The following LOXHD1 variants were observed in gnomAD, a reference collection of about 807,000 sequenced individuals.
The protein encoded by LOXHD1 is lipoxygenase homology PLAT domains 1.
In LOXHD1, 205 loss-of-function variants were observed where a neutral mutation model predicts 248.2. The ratio of observed to expected loss-of-function variants is 0.83; its 90% CI spans 0.74 to 0.93. The LOEUF is 0.93. Among genes scored for constraint, LOXHD1 ranks in the 40% least tolerant of loss-of-function variants. LOXHD1 has a pLI of 0.00. For synonymous variants in LOXHD1, 1,113 were observed against 1,162.8 expected (o/e 0.96, Z 0.87); for missense variants, 2,930 against 2,971.6 (o/e 0.99, Z 0.33).
At position 46,545,660 on chromosome 18, in the gene LOXHD1, C is replaced by T. The variant is rs570630292; in HGVS notation, c.3515-239G>A. Among the ~76,000 whole-genome samples, 79 of 103,988 alleles carry T rather than the reference C, an allele frequency of 7.6e-4. 1 individual carries two copies. Among genetic ancestry groups the T allele is most frequent in the African/African-American group, 1.8e-3 (34 of 19,014 alleles). The allele number at this position is 103,988 out of a possible 152,430, so 68.2% of individuals were successfully genotyped here. Reference sequence around the variant, plus strand: ...TTTTTTTTTTTTTGAGACGGAGTCTCGCTCTGTCGCCCAGGCTGGAGTGCA... The same window carrying T: ...TTTTTTTTTTTTTGAGACGGAGTCTTGCTCTGTCGCCCAGGCTGGAGTGCA... On this transcript the variant is annotated intron_variant, in intron 22 of 40. Transcript: ENST00000642948.
At chr18:46,580,152 A>T (rs1025083483) in intron 12 of LOXHD1, among the ~76,000 whole-genome samples, 3 of 152,220 alleles carry the variant, frequency 2.0e-5, no homozygotes, top group Non-Finnish European at 4.4e-5. Flanking sequence ...TCCAGAGCTC[A>T]GTCTACTAAA....
chr18:46,649,228 C>A lies in LOXHD1; in HGVS notation c.172G>T (p.Gly58Trp), dbSNP rs1395097916. 1 of 1,551,782 alleles carries A rather than the reference C, an allele frequency of 6.4e-7. No homozygotes were observed. Among genetic ancestry groups the A allele is most frequent in the Non-Finnish European group, 8.7e-7 (1 of 1,147,046 alleles). Residue 58 changes from glycine to tryptophan, a missense_variant, in exon 2 of 41, where the codon GGG becomes TGG. Transcript: ENST00000642948. ...VTATGDVRGA[G>W]TDANVFITLF... ...GTGATGAAGACATTGGCATCCGTCC[C>A]TGCACCGCGAACATCCCCCGTGGCT...
chr18:46,484,318 A>G (rs947212842), intron 39 of LOXHD1, among the ~76,000 whole-genome samples: 6 of 152,130 alleles, frequency 3.9e-5, no homozygotes, highest in African/African-American at 1.2e-4. Flanking sequence ...GTTGAAACCT[A>G]TTCTCCAGTG....
intron 16 of LOXHD1, among the ~76,000 whole-genome samples, chr18:46,568,329 C>T (rs1378308256): frequency 6.6e-6 from 1 of 152,200 alleles, no homozygotes. Flanking sequence ...AGATTTAGAA[C>T]TGTGTTTCTC....
chr18:46,555,202 T>C, intron 21 of LOXHD1: 1 of 470,888 alleles, frequency 2.1e-6, no homozygotes, highest in Non-Finnish European at 4.4e-6. Context: ...ACTTTTTCCT[T>C]TCCAAGCTTA....
In LOXHD1 at chr18:46,595,537, TA is replaced by T. The variant is rs539214508; in HGVS notation, c.1135-1072del. 2.0e-4 allele frequency among the ~76,000 whole-genome samples: 31 copies of T among 152,358 alleles called. No homozygotes were observed. In the South Asian group the frequency reaches 6.2e-3, roughly 31 times the overall value. On this transcript the variant is annotated intron_variant, in intron 8 of 40. Transcript: ENST00000642948. ...AAGTGCCCAAGTTAGCACCTTTAGT[TA>T]GTGGCAGAACAAGGAATATAAGTAT... is the stretch of plus-strand genomic sequence containing the variant.
intron 2 of LOXHD1, among the ~76,000 whole-genome samples, chr18:46,645,858 G>GGGGTGAGAAAGAAGAAAGAGAATGT (rs1364917152): frequency 2.0e-5 from 3 of 152,170 alleles, no homozygotes; most frequent in African/African-American, 7.2e-5. Flanking sequence ...CAAGAATTGA[G>GGGGTGAGAAAGAAGAAAGAGAATGT]GGGTGAGAAA....
chr18:46,495,526 C>T (rs2143730808), intron 37 of LOXHD1, among the ~76,000 whole-genome samples: 1 of 152,294 alleles, frequency 6.6e-6, no homozygotes, highest in Admixed American at 6.5e-5. Context: ...AGTAATCAGG[C>T]TGGCAGTCCC....
intron 37 of LOXHD1, among the ~76,000 whole-genome samples, chr18:46,497,727 A>AC (rs1409041106): frequency 6.6e-6 from 1 of 152,234 alleles, no homozygotes; most frequent in African/African-American, 2.4e-5. Context: ...CATGAACAAG[A>AC]TAATGGTACC....
Position 46,477,541 on chromosome 18 carries a change from G to T in LOXHD1, c.6753C>A (p.Asn2251Lys). 5 of 1,551,590 alleles carry T rather than the reference G, an allele frequency of 3.2e-6. No individual in the cohort carries two copies. Among genetic ancestry groups the T allele is most frequent in the Non-Finnish European group, 4.4e-6 (5 of 1,146,990 alleles). Residue 2251 changes from asparagine (N) to lysine (K), a missense_variant, in exon 41 of 41, where the codon AAC (asparagine) becomes AAA (lysine). Asn to Lys is a moderately conservative substitution (Grantham distance 94). Coordinates refer to ENST00000642948, the MANE Select transcript of LOXHD1 (RefSeq NM_001384474.1). Reference protein sequence around the residue: ...NTSTGVATIFNCGRWLDKKRG... With the variant: ...NTSTGVATIFKCGRWLDKKRG... ...GCTTCTTGTCCAGCCACCTGCCACAGTTGAAGATGGTGGCCACGCCGGTGC... is the reference window on the plus strand; with the variant it reads ...GCTTCTTGTCCAGCCACCTGCCACATTTGAAGATGGTGGCCACGCCGGTGC...
rs763313343 is a variant in LOXHD1, at chr18:46,521,164, C to A, written c.5204G>T (p.Arg1735Ile). 1.3e-6 allele frequency: 2 copies of A among 1,551,752 alleles called. No individual in the cohort carries two copies. Among genetic ancestry groups the A allele is most frequent in the Non-Finnish European group, 1.7e-6 (2 of 1,147,014 alleles). Residue 1735 changes from arginine (R) to isoleucine (I), a missense_variant, in exon 33 of 41, where the codon AGA becomes ATA. By Grantham distance (97) the Arg-to-Ile change is moderately conservative. Coordinates refer to ENST00000642948, the MANE Select transcript of LOXHD1 (RefSeq NM_001384474.1). ...GACACGGGAGGTGATGCCGTCGCCT[C>A]TGTCCTTGGCCAGCCAGCAGTTACA... is the stretch of plus-strand genomic sequence containing the variant. ...LNCNCWLAKD[R>I]GDGITSRVFD...
At chr18:46,503,869 G>C (rs1009557336) in intron 37 of LOXHD1, among the ~76,000 whole-genome samples, 6 of 152,100 alleles carry the variant, frequency 3.9e-5, no homozygotes, top group Non-Finnish European at 7.4e-5. Flanking sequence ...CTGACACAGT[G>C]GCTGGTGAGG....
At chr18:46,547,371 G>A (rs11659616) in intron 21 of LOXHD1, among the ~76,000 whole-genome samples, 10,973 of 152,284 alleles carry the variant, frequency 0.072, 526 homozygotes, top group Non-Finnish European at 0.1. Context: ...GGACATACGG[G>A]GACCTTTCCA....
rs1418627403 is a variant in LOXHD1 at position 46,593,583 on chromosome 18, T to A, written c.1431+17A>T. On this transcript the variant is annotated intron_variant, in intron 10 of 40. Coordinates refer to ENST00000642948, the MANE Select transcript of LOXHD1 (RefSeq NM_001384474.1). Reference sequence around the variant, plus strand: ...CTTCCTCCTTTCTCCCTCCCATCCATCACAATCCTCTCCTACCCTAAACTT... The same window carrying A: ...CTTCCTCCTTTCTCCCTCCCATCCAACACAATCCTCTCCTACCCTAAACTT... The A allele has an allele frequency of 6.4e-7, 1 of 1,551,850 alleles. No individual in the cohort carries two copies. The highest frequency in any genetic ancestry group is 1.2e-5 in the South Asian group (1 of 84,022).
intron 13 of LOXHD1, 39 bp from the exon 14 acceptor site, chr18:46,577,906 T>C: frequency 6.5e-7 from 1 of 1,549,810 alleles, no homozygotes; most frequent in Non-Finnish European, 8.7e-7. Context: ...AGACAGTGGC[T>C]ACCCCAGGAC....
chr18:46,636,706 T>A, intron 4 of LOXHD1, among the ~76,000 whole-genome samples: 1 of 152,236 alleles, frequency 6.6e-6, no homozygotes, highest in East Asian at 1.9e-4. Flanking sequence ...CCATATTGCA[T>A]GTTTTGAAAT....
intron 21 of LOXHD1, among the ~76,000 whole-genome samples, chr18:46,550,579 CAA>C (rs754046200): frequency 3.4e-3 from 154 of 45,466 alleles, no homozygotes; most frequent in African/African-American, 0.01. Context: ...GACTCCGTCT[CAA>C]AAAAAAAAAA....
At chr18:46,621,648 G>A (rs748175813) in intron 4 of LOXHD1, among the ~76,000 whole-genome samples, 30 of 152,058 alleles carry the variant, frequency 2.0e-4, no homozygotes, top group Non-Finnish European at 2.1e-4. Context: ...CTTGGATCTC[G>A]TAATCTGTGA....
chr18:46,612,327 G>A (rs770992491), intron 5 of LOXHD1, among the ~76,000 whole-genome samples: 5 of 152,164 alleles, frequency 3.3e-5, no homozygotes, highest in Non-Finnish European at 5.9e-5. Context: ...AAAAATGGTT[G>A]TATTACATTA....
Sources: allele counts gnomAD v4.1 joint callset (sites outside exome capture counted in the v4.1 genomes callset), GRCh38; gene constraint gnomAD v4.1.1; transcripts MANE v1.5; gene names NCBI Gene and HGNC (gene_info 2026-07-23, HGNC 2026-07-21).